ARHGAP21: variants seen among roughly 807,000 people sequenced by gnomAD.
The protein encoded by ARHGAP21 is rho GTPase-activating protein 21.
A neutral mutation model predicts 164.6 loss-of-function variants in ARHGAP21; 38 were observed. The ratio of observed to expected loss-of-function variants is 0.23; its 90% CI spans 0.18 to 0.30. The LOEUF is 0.30. ARHGAP21 is among the 10% of genes least tolerant of loss of function. ARHGAP21 has a pLI of 1.00. For synonymous variants in ARHGAP21, 766 were observed against 857.9 expected, an observed-to-expected ratio of 0.89 and a Z score of 1.87; for missense variants, 1,822 against 2,370.7, an observed-to-expected ratio of 0.77 and a Z score of 4.81.
chr10:24,615,316 C>A (rs2077432082), intron 9 of ARHGAP21, among the ~76,000 whole-genome samples: 1 of 152,132 alleles, frequency 6.6e-6, no homozygotes, highest in Non-Finnish European at 1.5e-5. Flanking sequence ...TATGGCAGTG[C>A]CGTTAAGGCT....
rs767462034 is a variant in ARHGAP21, at chr10:24,585,253, C to T, written c.5036G>A (p.Gly1679Glu). The change falls in exon 26 of 26, where the codon GGA becomes GAA. Residue 1679 changes from glycine (G) to glutamate (E), a missense_variant. This residue lies in a region of ARHGAP21 where 117 missense variants were observed against 193.2 expected (regional missense o/e 0.61). Coordinates refer to ENST00000396432, the MANE Select transcript of ARHGAP21 (RefSeq NM_020824.4). ...SEGSELSCTE[G>E]SLTSSLDSRR... ...GCTATCTAAACTTGATGTTAAACTT[C>T]CCTCGGTGCAACTTAATTCACTTCC... 6.2e-7 allele frequency: 1 copy of T among 1,605,892 alleles called. No homozygotes were observed. The highest frequency in any genetic ancestry group is 8.5e-7 in the Non-Finnish European group (1 of 1,178,332).
At chr10:24,652,893 C>G (rs578160873) in intron 4 of ARHGAP21, among the ~76,000 whole-genome samples, 1 of 152,236 alleles carries the variant, frequency 6.6e-6, no homozygotes, top group African/African-American at 2.4e-5. Context: ...ATACCCATGA[C>G]CCAGCAATGC....
Position 24,584,415 on chromosome 10 carries a change from A to C in ARHGAP21, c.5874T>G (p.Leu1958=), listed in dbSNP as rs767082845. Residue 1958 remains leucine (L), a synonymous_variant, in exon 26 of 26, where the codon CTT becomes CTG. Coordinates refer to ENST00000396432, the MANE Select transcript of ARHGAP21 (RefSeq NM_020824.4). ...PGSKAEFHPC[L] is the part of the protein sequence containing the mutation. ...CTAGAGTGGACATACCCCCAGTTTAAAGACAGGGATGAAACTCTGCTTTAC... is the reference window on the plus strand; with the variant it reads ...CTAGAGTGGACATACCCCCAGTTTACAGACAGGGATGAAACTCTGCTTTAC... The C allele has an allele frequency of 6.3e-5, 101 of 1,596,324 alleles. No homozygotes were observed. Among genetic ancestry groups the C allele is most frequent in the Non-Finnish European group, 8.5e-5 (100 of 1,172,022 alleles).
At chr10:24,716,344 G>GT (rs1289869413) in intron 2 of ARHGAP21, among the ~76,000 whole-genome samples, 1 of 152,220 alleles carries the variant, frequency 6.6e-6, no homozygotes, top group Non-Finnish European at 1.5e-5. Flanking sequence ...ATTCAACAAA[G>GT]GGAGTGGTTG....
chr10:24,705,013 G>C (rs887169820), intron 2 of ARHGAP21, among the ~76,000 whole-genome samples: 3 of 152,124 alleles, frequency 2.0e-5, no homozygotes, highest in Admixed American at 6.5e-5. Context: ...ATCCAAAAAA[G>C]CACTTTTGAT....
intron 2 of ARHGAP21, among the ~76,000 whole-genome samples, chr10:24,701,679 T>A (rs1223842146): frequency 6.6e-6 from 1 of 152,106 alleles, no homozygotes; most frequent in African/African-American, 2.4e-5. Flanking sequence ...AGAAACAGGG[T>A]ACTGGAGATA....
intron 2 of ARHGAP21, among the ~76,000 whole-genome samples, chr10:24,693,516 A>G (rs1340813403): frequency 1.3e-5 from 2 of 151,802 alleles, no homozygotes; most frequent in African/African-American, 4.8e-5. Context: ...ACGCCCGGCT[A>G]ATTTTTTTGT....
intron 7 of ARHGAP21, chr10:24,628,951 A>AATATAT (rs1565054254): frequency 4.5e-5 from 2 of 44,334 alleles, no homozygotes; most frequent in African/African-American, 2.1e-4. Context: ...ACACACACAC[A>AATATAT]CTATATATAT....
rs150046153 is a variant in ARHGAP21, at chr10:24,584,855, C to T, written c.5434G>A (p.Glu1812Lys). 104 of 1,613,848 alleles carry T rather than the reference C, an allele frequency of 6.4e-5. No homozygotes were observed. Among genetic ancestry groups the T allele is most frequent in the Non-Finnish European group, 7.5e-5 (89 of 1,179,864 alleles). ...HTLGGHRDAT[E>K]ISVLNFWKVH... ...TTCCAAAAATTCAAAACGCTGATTTCGGTAGCATCTCTGTGCCCTCCTAGT... is the reference window on the plus strand; with the variant it reads ...TTCCAAAAATTCAAAACGCTGATTTTGGTAGCATCTCTGTGCCCTCCTAGT... Residue 1812 changes from glutamate to lysine, a missense_variant, in exon 26 of 26, where the codon GAA becomes AAA. Glu to Lys is a moderately conservative substitution (Grantham distance 56). Transcript: ENST00000396432.
chr10:24,606,904 C>T (rs978073929), intron 11 of ARHGAP21, among the ~76,000 whole-genome samples: 6 of 151,934 alleles, frequency 3.9e-5, no homozygotes, highest in African/African-American at 1.2e-4. Flanking sequence ...ATCCTGTTTT[C>T]GATTATATTT....
chr10:24,590,616 A>G (rs2076286616), intron 24 of ARHGAP21: 1 of 1,399,870 alleles, frequency 7.1e-7, no homozygotes. Context: ...TTGGCAGGAG[A>G]AAGTTTTCAT....
At chr10:24,617,370 C>T (rs1055068053) in intron 9 of ARHGAP21, among the ~76,000 whole-genome samples, 2 of 152,000 alleles carry the variant, frequency 1.3e-5, no homozygotes, top group Non-Finnish European at 2.9e-5. Context: ...CTGATAAGAT[C>T]GCATGGGCCT....
intron 2 of ARHGAP21, among the ~76,000 whole-genome samples, chr10:24,710,985 T>C (rs1844730582): frequency 6.6e-6 from 1 of 150,876 alleles, no homozygotes; most frequent in Admixed American, 6.6e-5. Context: ...TCCCAGCTAC[T>C]TGGGAGGCTG....
chr10:24,627,541 CCAT>C (rs1415227285), intron 7 of ARHGAP21, among the ~76,000 whole-genome samples: 1 of 152,040 alleles, frequency 6.6e-6, no homozygotes, highest in African/African-American at 2.4e-5. Context: ...AATTCAAATA[CCAT>C]GTTTTAAAAA....
At chr10:24,661,312 C>G (rs1839674237) in intron 4 of ARHGAP21, among the ~76,000 whole-genome samples, 1 of 151,324 alleles carries the variant, frequency 6.6e-6, no homozygotes, top group African/African-American at 2.4e-5. Flanking sequence ...AACTAACCAA[C>G]AAGAAGAAAA....
intron 2 of ARHGAP21, among the ~76,000 whole-genome samples, chr10:24,716,967 G>A (rs1261808445): frequency 1.3e-5 from 2 of 152,218 alleles, no homozygotes; most frequent in African/African-American, 4.8e-5. Flanking sequence ...GAGATTCTAG[G>A]CAGTCAGGTC....
intron 2 of ARHGAP21, among the ~76,000 whole-genome samples, chr10:24,673,279 A>C (rs1005532721): frequency 7.2e-5 from 11 of 152,212 alleles, no homozygotes; most frequent in African/African-American, 2.7e-4. Context: ...TCAGACTTCA[A>C]GACTTACAAA....
intron 2 of ARHGAP21, among the ~76,000 whole-genome samples, chr10:24,713,362 C>T (rs951858896): frequency 5.9e-5 from 9 of 152,112 alleles, no homozygotes. Flanking sequence ...AAAAACACAC[C>T]CAATATCAAA....
intron 3 of ARHGAP21, among the ~76,000 whole-genome samples, chr10:24,668,905 T>C (rs942333456): frequency 6.6e-6 from 1 of 152,170 alleles, no homozygotes; most frequent in African/African-American, 2.4e-5. Context: ...AAAGCTCTTA[T>C]TCAAAACAAA....
Sources: allele counts gnomAD v4.1 joint callset (sites outside exome capture counted in the v4.1 genomes callset), GRCh38; gene constraint gnomAD v4.1.1; regional missense constraint gnomAD v4.1.1; transcripts MANE v1.5; gene names NCBI Gene and HGNC (gene_info 2026-07-23, HGNC 2026-07-21).